VAPA: variants seen among roughly 807,000 people sequenced by gnomAD.
VAPA encodes the protein vesicle-associated membrane protein-associated protein A.
In VAPA, 6 loss-of-function variants were observed where a neutral mutation model predicts 25.6. The observed-to-expected ratio is 0.23, with a 90% CI of 0.13 to 0.46. The LOEUF (loss-of-function observed/expected upper bound fraction) is 0.46, where lower values mean the gene tolerates loss of function less well. Ranked by LOEUF, VAPA falls within the 20% of genes least tolerant of loss-of-function variation. The pLI is 0.99. For synonymous variants in VAPA, 112 were observed against 106.2 expected (o/e 1.05, Z -0.34); for missense variants, 244 against 302.1 (o/e 0.81, Z 1.43).
chr18:9,932,288 T>C (rs1011835128), intron 2 of VAPA, among the ~76,000 whole-genome samples: 23 of 152,338 alleles, frequency 1.5e-4, no homozygotes, highest in Middle Eastern at 3.4e-3. Context: ...GTCATTCTCC[T>C]TCAGATCATG....
At chr18:9,936,885 A>G in intron 3 of VAPA, 101 bp from the exon 4 acceptor site, 1 of 951,434 alleles carries the variant, frequency 1.1e-6, no homozygotes, top group Non-Finnish European at 1.6e-6. Flanking sequence ...GTTTCAGCCA[A>G]GCCAGGCAGC....
intron 2 of VAPA, among the ~76,000 whole-genome samples, chr18:9,934,565 G>A (rs974857222): frequency 2.0e-5 from 3 of 152,144 alleles, no homozygotes; most frequent in African/African-American, 4.8e-5. Context: ...CACACCTTAT[G>A]AATAAGACTT....
At position 9,950,770 on chromosome 18, in the gene VAPA, C is replaced by T; in HGVS notation, c.591+202C>T. The T allele has an allele frequency of 7.4e-6, 4 of 539,020 alleles. No homozygotes were observed. In the East Asian group the frequency reaches 9.6e-5, roughly 13 times the overall value. 33.4% of individuals were successfully genotyped at this position (539,020 alleles called of 1,614,324 possible). ...CATTGCTGCAAGTTCCTTACTTTAG[C>T]ACACATTCTAATTATTTGTGATCTG... On this transcript the variant is annotated intron_variant, in intron 5 of 5. Coordinates refer to ENST00000400000, the MANE Select transcript of VAPA (RefSeq NM_194434.3).
intron 1 of VAPA, among the ~76,000 whole-genome samples, chr18:9,918,746 A>C: frequency 6.6e-6 from 1 of 152,066 alleles, no homozygotes; most frequent in Non-Finnish European, 1.5e-5. Context: ...CTACACCCCC[A>C]AGTCTGTTTT....
rs29108 is a variant in VAPA, at chr18:9,952,964, A to G, written c.592-1089A>G. 4.0e-3 allele frequency among the ~76,000 whole-genome samples: 602 copies of G among 152,356 alleles called. 15 individuals are homozygous for G. The highest frequency in any genetic ancestry group is 0.032 in the Admixed American group (493 of 15,308). On this transcript the variant is annotated intron_variant, in intron 5 of 5. Transcript: ENST00000400000. ...AGGTGTACTCTTTTAGTTAGTGTTT[A>G]TTTATAAGCACAATAAAGGAATCAT...
At chr18:9,921,227 G>A (rs915230050) in intron 1 of VAPA, among the ~76,000 whole-genome samples, 6 of 152,120 alleles carry the variant, frequency 3.9e-5, no homozygotes, top group Non-Finnish European at 7.4e-5. Flanking sequence ...GCTTTTGCAG[G>A]TAATAGTGCT....
intron 1 of VAPA, among the ~76,000 whole-genome samples, chr18:9,922,452 A>G (rs984719154): frequency 6.6e-6 from 1 of 152,196 alleles, no homozygotes; most frequent in African/African-American, 2.4e-5. Flanking sequence ...ACAAAGAACA[A>G]AATCACACTT....
intron 5 of VAPA, among the ~76,000 whole-genome samples, chr18:9,952,586 C>T (rs1273200299): frequency 6.7e-6 from 1 of 149,464 alleles, no homozygotes; most frequent in Non-Finnish European, 1.5e-5. Flanking sequence ...AAAAACAAAA[C>T]CCTTGAAGAC....
intron 1 of VAPA, among the ~76,000 whole-genome samples, chr18:9,930,637 TGAC>T (rs1185531434): frequency 6.6e-6 from 1 of 152,052 alleles, no homozygotes; most frequent in East Asian, 1.9e-4. Context: ...ATGATTAGTT[TGAC>T]CATATAATGA....
intron 4 of VAPA, among the ~76,000 whole-genome samples, chr18:9,943,196 T>C (rs2069384066): frequency 6.6e-6 from 1 of 152,224 alleles, no homozygotes; most frequent in Admixed American, 6.5e-5. Context: ...TTTATTTTTA[T>C]AGTTTAAAAA....
rs1460515940 is a variant in VAPA at position 9,959,610 on chromosome 18, A to G, written c.*5399A>G. Reference sequence around the variant, plus strand: ...GTGGTCTAAATTCTTGATACTGTTTATAATTCTACAAAGAACAAAAATTGT... The same window carrying G: ...GTGGTCTAAATTCTTGATACTGTTTGTAATTCTACAAAGAACAAAAATTGT... On this transcript the variant is annotated 3_prime_UTR_variant, in exon 6 of 6. Transcript: ENST00000400000. The G allele has an allele frequency of 6.6e-6, 1 of 151,742 alleles. No individual in the cohort carries two copies. Among genetic ancestry groups the G allele is most frequent in the Non-Finnish European group, 1.5e-5 (1 of 67,910 alleles). 9.4% of individuals were successfully genotyped at this position (151,742 alleles called of 1,614,324 possible).
chr18:9,946,287 C>G (rs555000128), intron 4 of VAPA, among the ~76,000 whole-genome samples: 135 of 152,236 alleles, frequency 8.9e-4, no homozygotes, highest in African/African-American at 3.1e-3. Flanking sequence ...TTGCCTTTTG[C>G]TCCTAGGCTA....
At chr18:9,923,965 G>A (rs1297523394) in intron 1 of VAPA, 2 of 173,876 alleles carry the variant, frequency 1.2e-5, no homozygotes, top group East Asian at 1.6e-4. Flanking sequence ...GTCTGATCTC[G>A]GAAGCTAGCA....
chr18:9,929,299 CCCCACCCCCTGCT>C (rs1397510670), intron 1 of VAPA, among the ~76,000 whole-genome samples: 2 of 152,028 alleles, frequency 1.3e-5, no homozygotes, highest in Admixed American at 1.3e-4. Context: ...TGTTTCCTGC[CCCCACCCCCTGCT>C]CCTAATGAAA....
Position 9,950,822 on chromosome 18 carries a change from T to A in VAPA, c.591+254T>A, listed in dbSNP as rs1020528423. 18 of 407,474 alleles carry A rather than the reference T, an allele frequency of 4.4e-5. 1 individual carries two copies. The highest frequency in any genetic ancestry group is 1.7e-4 in the Admixed American group (4 of 23,094). The allele number at this position is 407,474 out of a possible 1,614,324, so 25.2% of individuals were successfully genotyped here. ...CCTGCAGTATTGCCAGCTTCTGCTC[T>A]TGTTTCTCATGTCCTTCCCATTTTG... On this transcript the variant is annotated intron_variant, in intron 5 of 5. Transcript: ENST00000400000.
rs550058598 is a variant in VAPA at position 9,957,873 on chromosome 18, T to C, written c.*3662T>C. 30 of 152,346 alleles carry C rather than the reference T, an allele frequency of 2.0e-4. No individual in the cohort carries two copies. Among genetic ancestry groups the C allele is most frequent in the African/African-American group, 7.0e-4 (29 of 41,580 alleles). The allele number at this position is 152,346 out of a possible 1,614,324, so 9.4% of individuals were successfully genotyped here. Reference sequence around the variant, plus strand: ...TAGTAGGAAGTGAGAACAGCTGATTTTCATGCCACGTTTCATAGCCCCACT... The same window carrying C: ...TAGTAGGAAGTGAGAACAGCTGATTCTCATGCCACGTTTCATAGCCCCACT... On this transcript the variant is annotated 3_prime_UTR_variant, in exon 6 of 6. Transcript: ENST00000400000.
chr18:9,925,457 T>G (rs1021296462), intron 1 of VAPA, among the ~76,000 whole-genome samples: 1 of 152,094 alleles, frequency 6.6e-6, no homozygotes, highest in African/African-American at 2.4e-5. Context: ...ACTAAGTTTT[T>G]AAAAATAGAA....
rs29106 is a variant in VAPA at position 9,954,780 on chromosome 18, A to G, written c.*569A>G. On this transcript the variant is annotated 3_prime_UTR_variant, in exon 6 of 6. Coordinates refer to ENST00000400000, the MANE Select transcript of VAPA (RefSeq NM_194434.3). ...CATCCTTACAATCCTGTCCCATGGTATTTAACATAAAAAAAAATAAAACTG... is the reference window on the plus strand; with the variant it reads ...CATCCTTACAATCCTGTCCCATGGTGTTTAACATAAAAAAAAATAAAACTG... 6.6e-6 allele frequency: 1 copy of G among 152,458 alleles called. No homozygotes were observed. The highest frequency in any genetic ancestry group is 6.6e-5 in the Admixed American group (1 of 15,260). The allele number at this position is 152,458 out of a possible 1,614,324, so 9.4% of individuals were successfully genotyped here.
chr18:9,914,176 G>T lies in VAPA; in HGVS notation c.-81G>T. The T allele has an allele frequency of 1.5e-6, 2 of 1,320,924 alleles. No homozygotes were observed. Among genetic ancestry groups the T allele is most frequent in the South Asian group, 1.3e-5 (1 of 75,072 alleles). 81.8% of individuals were successfully genotyped at this position (1,320,924 alleles called of 1,614,324 possible). On this transcript the variant is annotated 5_prime_UTR_variant, in exon 1 of 6. Coordinates refer to ENST00000400000, the MANE Select transcript of VAPA (RefSeq NM_194434.3). ...CCTGGCCTCGTCCTAGAGCTCGGCC[G>T]AGCCGTCGCCGCCGTCGTCCCCCGC...
Sources: gnomAD v4.1 joint callset for allele counts (sites outside exome capture counted in the v4.1 genomes callset) on GRCh38, gnomAD v4.1.1 for gene constraint, MANE v1.5 for transcripts, NCBI Gene and HGNC (gene_info 2026-07-23, HGNC 2026-07-21) for gene names.